Variants in KCNT2 observed in about 807,000 individuals in gnomAD.
KCNT2 encodes the protein potassium sodium-activated channel subfamily T member 2, also known as potassium channel subfamily T member 2.
KCNT2 carries 67 observed loss-of-function variants against 153.8 expected under a neutral mutation model. The observed-to-expected ratio is 0.44, with a 90% confidence interval of 0.36 to 0.53. The LOEUF (loss-of-function observed/expected upper bound fraction) is 0.53. Ranked by LOEUF, KCNT2 falls within the 20% of genes least tolerant of loss-of-function variation. The pLI, the probability that KCNT2 is intolerant of heterozygous loss-of-function variation, is 0.00. For synonymous variants in KCNT2, 500 were observed against 458.8 expected (o/e 1.09, Z -1.15); for missense variants, 975 against 1,354.8 (o/e 0.72, Z 4.40).
At chr1:196,556,182 G>T (rs777218888) in intron 1 of KCNT2, among the ~76,000 whole-genome samples, 2 of 151,320 alleles carry the variant, frequency 1.3e-5, no homozygotes, top group Non-Finnish European at 3.0e-5. Flanking sequence ...CTTCTGCTCT[G>T]CAAAAGAAGC....
intron 5 of KCNT2, among the ~76,000 whole-genome samples, chr1:196,475,918 T>C (rs1342990590): frequency 6.6e-6 from 1 of 152,170 alleles, no homozygotes; most frequent in Non-Finnish European, 1.5e-5. Flanking sequence ...TTAATGTTTA[T>C]GAGGGTTGAA....
intron 22 of KCNT2, among the ~76,000 whole-genome samples, chr1:196,295,371 A>C (rs1660582799): frequency 6.6e-6 from 1 of 151,994 alleles, no homozygotes; most frequent in African/African-American, 2.4e-5. Flanking sequence ...TGTATGACTT[A>C]TTATTGTTCA....
At position 196,491,219 on chromosome 1, in the gene KCNT2, C is replaced by T. The variant is rs565060012; in HGVS notation, c.175+1043G>A. ...AGGGAAACTATTCAGATGATGTGAC[C>T]CCTTTAGGTAATATCTATTTATGGG... is the stretch of plus-strand genomic sequence containing the variant. On this transcript the variant is annotated intron_variant, in intron 2 of 27. Coordinates refer to ENST00000294725, the MANE Select transcript of KCNT2 (RefSeq NM_198503.5). Among the ~76,000 whole-genome samples the T allele has an allele frequency of 1.4e-4, 22 of 151,926 alleles. No individual in the cohort carries two copies. In the South Asian group the frequency reaches 4.4e-3, roughly 30 times the overall value.
At chr1:196,234,026 T>C (rs551343267) in intron 27 of KCNT2, among the ~76,000 whole-genome samples, 7 of 151,476 alleles carry the variant, frequency 4.6e-5, no homozygotes, top group South Asian at 4.1e-4. Flanking sequence ...GACTTCATTG[T>C]ATATTTCAAA....
intron 23 of KCNT2, among the ~76,000 whole-genome samples, chr1:196,283,118 A>G (rs1425831856): frequency 6.6e-6 from 1 of 152,218 alleles, no homozygotes; most frequent in Non-Finnish European, 1.5e-5. Flanking sequence ...TACTGGGATT[A>G]CTGGCATAAG....
At chr1:196,329,542 G>T (rs929509542) in intron 18 of KCNT2, among the ~76,000 whole-genome samples, 2 of 151,716 alleles carry the variant, frequency 1.3e-5, no homozygotes. Context: ...TGCATTTAAA[G>T]AAATAAAAAC....
intron 19 of KCNT2, among the ~76,000 whole-genome samples, chr1:196,322,918 T>C (rs140864855): frequency 1.4e-4 from 22 of 152,026 alleles, no homozygotes; most frequent in Non-Finnish European, 2.9e-4. Context: ...TCAGTTTGAA[T>C]AGTGACAGTG....
chr1:196,506,026 C>A (rs1217605214), intron 1 of KCNT2, among the ~76,000 whole-genome samples: 1 of 152,112 alleles, frequency 6.6e-6, no homozygotes, highest in African/African-American at 2.4e-5. Flanking sequence ...ATGTCATCTG[C>A]AAACAGGGAC....
chr1:196,294,872 G>C lies in KCNT2; in HGVS notation c.2596-9114C>G, dbSNP rs146535211. On this transcript the variant is annotated intron_variant, in intron 22 of 27. Transcript: ENST00000294725. ...TCATTAAAATTGAATTCATAGTAGA[G>C]AGTACAATGATGGTTACCAGAGACT... 3.1e-4 allele frequency among the ~76,000 whole-genome samples: 47 copies of C among 151,696 alleles called. 1 individual carries two copies. The East Asian group carries it at 3.9e-3, about 13-fold the overall frequency.
intron 1 of KCNT2, among the ~76,000 whole-genome samples, chr1:196,581,445 T>C (rs1662029492): frequency 6.6e-6 from 1 of 152,090 alleles, no homozygotes; most frequent in South Asian, 2.1e-4. Flanking sequence ...TTAAATTTAA[T>C]AAAGGGTTTT....
At chr1:196,303,162 CT>C (rs1661342087) in intron 22 of KCNT2, among the ~76,000 whole-genome samples, 1 of 152,078 alleles carries the variant, frequency 6.6e-6, no homozygotes, top group African/African-American at 2.4e-5. Context: ...ATGCAAATCT[CT>C]GAAAAGCTGA....
intron 8 of KCNT2, among the ~76,000 whole-genome samples, chr1:196,460,167 G>A (rs1677024633): frequency 6.6e-6 from 1 of 151,686 alleles, no homozygotes; most frequent in African/African-American, 2.4e-5. Flanking sequence ...TTTCTATAAG[G>A]TATGTGCGTG....
chr1:196,474,231 A>C (rs999751606), intron 5 of KCNT2, among the ~76,000 whole-genome samples: 6 of 152,196 alleles, frequency 3.9e-5, no homozygotes, highest in Non-Finnish European at 7.4e-5. Context: ...CCTAAAGAGC[A>C]CTTTAAAAAT....
chr1:196,400,016 C>A (rs1434009204), intron 12 of KCNT2, among the ~76,000 whole-genome samples: 2 of 151,782 alleles, frequency 1.3e-5, no homozygotes, highest in Admixed American at 6.6e-5. Context: ...GTTATAGCAA[C>A]TCAAAACAAG....
At chr1:196,356,067 T>C (rs1347790635) in intron 14 of KCNT2, among the ~76,000 whole-genome samples, 1 of 151,798 alleles carries the variant, frequency 6.6e-6, no homozygotes, top group Non-Finnish European at 1.5e-5. Flanking sequence ...TGTAGGAACT[T>C]ACAAAGCTCC....
At chr1:196,449,876 TG>T (rs1676005810) in intron 8 of KCNT2, among the ~76,000 whole-genome samples, 1 of 151,684 alleles carries the variant, frequency 6.6e-6, no homozygotes, top group African/African-American at 2.4e-5. Context: ...TTTAAAAAGA[TG>T]TATGAATTCA....
intron 17 of KCNT2, 73 bp from the exon 18 acceptor site, chr1:196,331,334 C>T: frequency 1.3e-6 from 1 of 799,802 alleles, no homozygotes. Flanking sequence ...GACCATGTTC[C>T]TCTGTTTTAA....
intron 20 of KCNT2, among the ~76,000 whole-genome samples, chr1:196,317,991 C>T (rs1458243596): frequency 6.6e-6 from 1 of 151,280 alleles, no homozygotes; most frequent in Non-Finnish European, 1.5e-5. Context: ...TTTACTACTG[C>T]ATTTATTTTT....
At chr1:196,511,364 C>T (rs1287033870) in intron 1 of KCNT2, among the ~76,000 whole-genome samples, 1 of 152,086 alleles carries the variant, frequency 6.6e-6, no homozygotes, top group Non-Finnish European at 1.5e-5. Context: ...CAAAGAAATT[C>T]CCCACAGAAA....
Sources: gnomAD v4.1 joint callset for allele counts (sites outside exome capture counted in the v4.1 genomes callset) on GRCh38, gnomAD v4.1.1 for gene constraint, MANE v1.5 for transcripts, NCBI Gene and HGNC (gene_info 2026-07-23, HGNC 2026-07-21) for gene names.